CLNK: variants seen among roughly 807,000 people sequenced by gnomAD.
The protein encoded by CLNK is cytokine-dependent hematopoietic cell linker.
Under a neutral mutation model 68.6 loss-of-function variants are expected in CLNK, and 74 were observed. The observed-to-expected ratio is 1.08, with a 90% confidence interval of 0.89 to 1.31. The LOEUF (loss-of-function observed/expected upper bound fraction) is 1.31. Among genes scored for constraint, CLNK ranks in the 50% most tolerant of loss-of-function variants. The probability of loss-of-function intolerance (pLI) is 0.00; values close to 1 mark genes in which losing one functional copy is unlikely to be tolerated. For missense variants in CLNK, 553 were observed against 515.3 expected, an observed-to-expected ratio of 1.07 and a Z score of -0.71; for synonymous variants, 198 against 172.2, an observed-to-expected ratio of 1.15 and a Z score of -1.17.
intron 18 of CLNK, among the ~76,000 whole-genome samples, chr4:10,500,862 T>C (rs1717012405): frequency 1.3e-5 from 2 of 152,196 alleles, no homozygotes; most frequent in South Asian, 2.1e-4. Context: ...GGGTTCACAT[T>C]CATTTTGGGG....
At chr4:10,543,891 G>A (rs1315001278) in intron 8 of CLNK, among the ~76,000 whole-genome samples, 2 of 152,146 alleles carry the variant, frequency 1.3e-5, no homozygotes, top group South Asian at 2.1e-4. Flanking sequence ...ATATGACCCA[G>A]GATCTACTTC....
At chr4:10,599,611 C>T (rs1039137538) in intron 2 of CLNK, among the ~76,000 whole-genome samples, 5 of 152,132 alleles carry the variant, frequency 3.3e-5, no homozygotes, top group African/African-American at 1.2e-4. Context: ...TTGGTTATTT[C>T]CCAGCAGACA....
At chr4:10,697,045 G>A in the CLNK span, 1 of 152,272 alleles carries the variant, frequency 6.6e-6, no homozygotes, top group South Asian at 2.1e-4. Flanking sequence ...CCTCTTTCTT[G>A]GAACAATTGA....
intron 11 of CLNK, among the ~76,000 whole-genome samples, chr4:10,534,161 T>C (rs2108804019): frequency 6.6e-6 from 1 of 152,324 alleles, no homozygotes; most frequent in East Asian, 1.9e-4. Flanking sequence ...CAGTGCACTT[T>C]ATAGATGGAA....
intron 8 of CLNK, among the ~76,000 whole-genome samples, chr4:10,550,693 CT>C (rs954000058): frequency 4.6e-5 from 7 of 152,122 alleles, no homozygotes; most frequent in South Asian, 4.2e-4. Flanking sequence ...AACAAGCACA[CT>C]TTTTTTTCCT....
upstream of CLNK, among the ~76,000 whole-genome samples, chr4:10,688,103 G>A (rs913667551): frequency 1.3e-5 from 2 of 152,154 alleles, no homozygotes; most frequent in Non-Finnish European, 1.5e-5. Context: ...CTCCTGCAAT[G>A]GGCTAGCATG....
the CLNK span, among the ~76,000 whole-genome samples, chr4:10,694,055 G>T: frequency 6.6e-6 from 1 of 152,020 alleles, no homozygotes; most frequent in Non-Finnish European, 1.5e-5. Context: ...AGCTTCTTCA[G>T]CGTTTGCTAT....
intron 2 of CLNK, among the ~76,000 whole-genome samples, chr4:10,665,227 A>G (rs1320795408): frequency 2.0e-5 from 3 of 152,228 alleles, no homozygotes; most frequent in African/African-American, 7.2e-5. Flanking sequence ...CTGAAATCAC[A>G]AAGTTTCCCT....
chr4:10,599,633 C>T (rs1211906187), intron 2 of CLNK, among the ~76,000 whole-genome samples: 1 of 152,160 alleles, frequency 6.6e-6, no homozygotes, highest in Non-Finnish European at 1.5e-5. Flanking sequence ...AGGCCTTTTT[C>T]CTAGCGAGAA....
At chr4:10,535,053 G>A (rs896441727) in intron 11 of CLNK, among the ~76,000 whole-genome samples, 15 of 152,082 alleles carry the variant, frequency 9.9e-5, no homozygotes, top group Non-Finnish European at 4.4e-5. Flanking sequence ...ATTGCTGGTT[G>A]TAAAGAGAAA....
chr4:10,591,047 T>G (rs537562496), intron 3 of CLNK, among the ~76,000 whole-genome samples: 1 of 152,096 alleles, frequency 6.6e-6, no homozygotes, highest in South Asian at 2.1e-4. Context: ...AGGTGGAGCG[T>G]TTGCACCATG....
intron 2 of CLNK, among the ~76,000 whole-genome samples, chr4:10,651,414 T>G (rs1490147669): frequency 3.9e-5 from 6 of 152,030 alleles, no homozygotes; most frequent in Non-Finnish European, 8.8e-5. Flanking sequence ...TGGATAAAGA[T>G]GGAAACAAAC....
the CLNK span, among the ~76,000 whole-genome samples, chr4:10,698,320 A>G: frequency 6.6e-6 from 1 of 152,068 alleles, no homozygotes; most frequent in East Asian, 1.9e-4. Flanking sequence ...TTACAGGAAC[A>G]CTCTGAGGGC....
At chr4:10,493,452 C>G (rs1322915592) in intron 18 of CLNK, among the ~76,000 whole-genome samples, 3 of 152,176 alleles carry the variant, frequency 2.0e-5, no homozygotes, top group Admixed American at 6.5e-5. Flanking sequence ...GGCCCATTTT[C>G]TTGCCTTAAT....
At chr4:10,725,852 TA>T in the CLNK span, among the ~76,000 whole-genome samples, 60,780 of 141,816 alleles carry the variant, frequency 0.43, 13,436 homozygotes, top group Middle Eastern at 0.59. Flanking sequence ...AGACTCCGTC[TA>T]AAAAAAAAAA....
At chr4:10,523,452 C>T (rs562726439) in intron 14 of CLNK, among the ~76,000 whole-genome samples, 3 of 152,170 alleles carry the variant, frequency 2.0e-5, no homozygotes, top group African/African-American at 7.2e-5. Context: ...TTACGCAGGC[C>T]TTAGAGATAG....
chr4:10,558,400 ACTTTAC>A lies in CLNK; in HGVS notation c.445+1_445+6del, dbSNP rs763495429. 1 of 1,613,376 alleles carries A rather than the reference ACTTTAC, an allele frequency of 6.2e-7. No homozygotes were observed. Among genetic ancestry groups the A allele is most frequent in the Non-Finnish European group, 8.5e-7 (1 of 1,179,380 alleles). On this transcript the variant is annotated splice_donor_variant and splice_donor_5th_base_variant and intron_variant, in intron 8 of 18. Transcript: ENST00000226951. LOFTEE classifies it high-confidence loss of function. ...TACATTTTAAACTTCGATTAACATG[ACTTTAC>A]CTTTAATGTTTTGGCTTCTGACGTC... is the stretch of plus-strand genomic sequence containing the variant.
chr4:10,544,802 G>C (rs1430988048), intron 8 of CLNK, among the ~76,000 whole-genome samples: 1 of 152,150 alleles, frequency 6.6e-6, no homozygotes, highest in Non-Finnish European at 1.5e-5. Flanking sequence ...TGTGGTGAGA[G>C]CCTTCTTGCG....
chr4:10,576,356 C>T (rs12643937), intron 4 of CLNK, among the ~76,000 whole-genome samples: 14,994 of 152,202 alleles, frequency 0.099, 908 homozygotes, highest in East Asian at 0.16. Flanking sequence ...GAGTTATGGT[C>T]GTGTTGCATG....
Sources: allele counts gnomAD v4.1 joint callset (sites outside exome capture counted in the v4.1 genomes callset), GRCh38; gene constraint gnomAD v4.1.1; transcripts MANE v1.5; gene names NCBI Gene and HGNC (gene_info 2026-07-23, HGNC 2026-07-21).